Variants in MTSS1 observed in about 807,000 individuals in gnomAD.
The protein encoded by MTSS1 is protein MTSS 1.
A neutral mutation model predicts 79.0 loss-of-function variants in MTSS1; 18 were observed. That is an observed-to-expected ratio of 0.23 (90% CI 0.16 to 0.34). The LOEUF is 0.34. Ranked by LOEUF, MTSS1 falls within the 10% of genes least tolerant of loss-of-function variation. The pLI is 1.00. For missense variants in MTSS1, 815 were observed against 986.2 expected (o/e 0.83, Z 2.33); for synonymous variants, 341 against 368.6 (o/e 0.93, Z 0.86).
Position 124,622,708 on chromosome 8 carries a change from G to A in MTSS1, c.209-31473C>T, listed in dbSNP as rs184270474. 7.4e-4 allele frequency among the ~76,000 whole-genome samples: 111 copies of A among 150,364 alleles called. No homozygotes were observed. In the East Asian group the frequency reaches 0.011, roughly 15 times the overall value. ...CTCGGGAGGCTGAGGCAGGAGAATC[G>A]CTTGAGCCCGGGTGGTGGAGGTTAC... On this transcript the variant is annotated intron_variant, in intron 3 of 13. Transcript: ENST00000518547.
At chr8:124,645,352 T>C (rs915716112) in intron 3 of MTSS1, among the ~76,000 whole-genome samples, 6 of 152,188 alleles carry the variant, frequency 3.9e-5, no homozygotes, top group Admixed American at 3.9e-4. Flanking sequence ...GCGCTACTCA[T>C]TCCAGCCTGG....
chr8:124,652,023 G>A (rs1248384146), intron 3 of MTSS1, among the ~76,000 whole-genome samples: 3 of 152,060 alleles, frequency 2.0e-5, no homozygotes, highest in Non-Finnish European at 2.9e-5. Flanking sequence ...CTCTCCCCTC[G>A]GAAACCTTCT....
At chr8:124,566,937 C>A in intron 8 of MTSS1, 134 bp downstream of exon 8, 1 of 681,788 alleles carries the variant, frequency 1.5e-6, no homozygotes, top group Non-Finnish European at 2.5e-6. Flanking sequence ...GTGGTGATTT[C>A]ATATATTACA....
chr8:124,560,034 A>T (rs1359190621), intron 10 of MTSS1, among the ~76,000 whole-genome samples: 2 of 152,152 alleles, frequency 1.3e-5, no homozygotes, highest in Admixed American at 1.3e-4. Flanking sequence ...CAGACACTCA[A>T]CAATGTGTGG....
chr8:124,681,805 C>T (rs958148863), intron 3 of MTSS1, among the ~76,000 whole-genome samples: 3 of 151,844 alleles, frequency 2.0e-5, no homozygotes, highest in Admixed American at 6.6e-5. Flanking sequence ...CAAAATAAAA[C>T]AAAACAAAAC....
rs545008859 is a variant in MTSS1, at chr8:124,667,083, A to C, written c.208+32443T>G. On this transcript the variant is annotated intron_variant, in intron 3 of 13. Transcript: ENST00000518547. ...AAGAAGCAGGCTGGGATTCAGGTGG[A>C]GGGGAGAGGAGATGGCCACGCCCTG... is the stretch of plus-strand genomic sequence containing the variant. 1.2e-4 allele frequency among the ~76,000 whole-genome samples: 19 copies of C among 152,304 alleles called. No homozygotes were observed. In the East Asian group the frequency reaches 2.3e-3, roughly 19 times the overall value.
Position 124,670,614 on chromosome 8 carries a change from G to A in MTSS1, c.208+28912C>T, listed in dbSNP as rs529346554. On this transcript the variant is annotated intron_variant, in intron 3 of 13. Transcript: ENST00000518547. ...AACATGACTAAAAGCAAGGAAGTGAGCTTCAGATAAACACCATTTGTACAG... is the reference window on the plus strand; with the variant it reads ...AACATGACTAAAAGCAAGGAAGTGAACTTCAGATAAACACCATTTGTACAG... 7.2e-4 allele frequency among the ~76,000 whole-genome samples: 110 copies of A among 152,190 alleles called. 1 individual carries two copies. Among genetic ancestry groups the A allele is most frequent in the Non-Finnish European group, 2.6e-4 (18 of 68,038 alleles).
intron 3 of MTSS1, among the ~76,000 whole-genome samples, chr8:124,599,019 A>G (rs1833258543): frequency 1.3e-5 from 2 of 152,180 alleles, no homozygotes; most frequent in African/African-American, 4.8e-5. Context: ...CCAGCCCCAA[A>G]GTGTCCCTGA....
intron 1 of MTSS1, among the ~76,000 whole-genome samples, chr8:124,706,609 C>T (rs1395744478): frequency 6.6e-6 from 1 of 152,234 alleles, no homozygotes; most frequent in Non-Finnish European, 1.5e-5. Context: ...GGGCAAGAAT[C>T]GTGTCTGGCT....
intron 1 of MTSS1, among the ~76,000 whole-genome samples, chr8:124,714,324 A>G (rs890544395): frequency 9.2e-5 from 14 of 152,212 alleles, no homozygotes; most frequent in African/African-American, 2.7e-4. Flanking sequence ...CCTACTAACC[A>G]TAGGAAAATC....
intron 1 of MTSS1, among the ~76,000 whole-genome samples, chr8:124,719,174 G>A (rs963847378): frequency 6.6e-6 from 1 of 152,196 alleles, no homozygotes; most frequent in African/African-American, 2.4e-5. Context: ...CTTCTCACTA[G>A]CTGTATGACA....
chr8:124,674,204 C>T (rs1563976586), intron 3 of MTSS1, among the ~76,000 whole-genome samples: 2 of 152,280 alleles, frequency 1.3e-5, no homozygotes, highest in East Asian at 3.9e-4. Context: ...AATCTCGGCT[C>T]ACTGCAACTA....
At chr8:124,580,449 A>G in intron 6 of MTSS1, 1 of 1,304,758 alleles carries the variant, frequency 7.7e-7, no homozygotes, top group African/African-American at 1.5e-5. Context: ...TTGAGCTGGT[A>G]GAAAAACCTG....
At chr8:124,602,207 A>ACACACACACACACAC in intron 3 of MTSS1, among the ~76,000 whole-genome samples, 7 of 142,206 alleles carry the variant, frequency 4.9e-5, no homozygotes, top group East Asian at 2.0e-4. Context: ...ATATATATAT[A>ACACACACACACACAC]ATTTTTTTTT....
intron 3 of MTSS1, among the ~76,000 whole-genome samples, chr8:124,603,836 T>G (rs1312561574): frequency 1.3e-5 from 2 of 152,164 alleles, no homozygotes; most frequent in African/African-American, 4.8e-5. Context: ...AAACACAAAC[T>G]TTTTTGCCTG....
Position 124,568,359 on chromosome 8 carries a change from G to GT in MTSS1, c.618+19_618+20insA. 1 of 1,608,566 alleles carries GT rather than the reference G, an allele frequency of 6.2e-7. No individual in the cohort carries two copies. Among genetic ancestry groups the GT allele is most frequent in the Non-Finnish European group, 8.5e-7 (1 of 1,176,046 alleles). On this transcript the variant is annotated intron_variant, in intron 7 of 13. Coordinates refer to ENST00000518547, the MANE Select transcript of MTSS1 (RefSeq NM_014751.6). ...TCTACACCAGCAGTTTAAACCTTCT[G>GT]GAGTTTTCCATTAACTTACAATCAC...
intron 3 of MTSS1, among the ~76,000 whole-genome samples, chr8:124,634,017 A>G (rs1011895492): frequency 1.6e-4 from 24 of 152,178 alleles, no homozygotes; most frequent in African/African-American, 5.8e-4. Flanking sequence ...AAATTCATCA[A>G]AATGTCAAAC....
chr8:124,714,238 T>G (rs1831585712), intron 1 of MTSS1, among the ~76,000 whole-genome samples: 1 of 152,162 alleles, frequency 6.6e-6, no homozygotes, highest in Non-Finnish European at 1.5e-5. Flanking sequence ...CTCACATGTA[T>G]GCTGTATTCG....
In MTSS1 at chr8:124,626,252, G is replaced by A. The variant is rs115388111; in HGVS notation, c.209-35017C>T. On this transcript the variant is annotated intron_variant, in intron 3 of 13. Transcript: ENST00000518547. ...CCACACTGAGCCATTCTAGTGTTTC[G>A]TCAGTTCTTTTCTTGGGAACATTCT... 4.1e-3 allele frequency among the ~76,000 whole-genome samples: 622 copies of A among 152,272 alleles called. 4 individuals carry two copies. Among genetic ancestry groups the A allele is most frequent in the African/African-American group, 0.014 (579 of 41,546 alleles).
Sources: gnomAD v4.1 joint callset for allele counts (sites outside exome capture counted in the v4.1 genomes callset) on GRCh38, gnomAD v4.1.1 for gene constraint, MANE v1.5 for transcripts, NCBI Gene and HGNC (gene_info 2026-07-23, HGNC 2026-07-21) for gene names.